Variants in ESPN observed in about 807,000 individuals in gnomAD.
ESPN encodes autosomal recessive deafness type 36 protein.
Under a neutral mutation model 77.7 loss-of-function variants are expected in ESPN, and 68 were observed. The ratio of observed to expected loss-of-function variants is 0.87; its 90% confidence interval spans 0.72 to 1.07. The LOEUF is 1.07. ESPN is among the 50% of genes least tolerant of loss of function. The pLI is 0.00. For missense variants in ESPN, 1,060 were observed against 1,239.0 expected (o/e 0.86, Z 2.17); for synonymous variants, 449 against 567.1 (o/e 0.79, Z 2.96).
In ESPN at chr1:6,427,236, C is replaced by A. The variant is rs995577517; in HGVS notation, c.295-990C>A. On this transcript the variant is annotated intron_variant, in intron 1 of 12. Transcript: ENST00000645284. The surrounding 1 kb of genome is among the most constrained non-coding windows in gnomAD (Gnocchi z 4.6). The stretch of plus-strand genomic sequence containing the variant: ...CTGCATCCTGCACCCAGAACCCTGC[C>A]CACCCCTCTGTCATCCTATGTGCTT... Among the ~76,000 whole-genome samples the A allele has an allele frequency of 4.6e-5, 7 of 152,086 alleles. No homozygotes were observed. Among genetic ancestry groups the A allele is most frequent in the African/African-American group, 1.7e-4 (7 of 41,416 alleles).
At position 6,451,552 on chromosome 1, in the gene ESPN, C is replaced by A. The variant is rs370714821; in HGVS notation, c.1916-51C>A. 9.4e-6 allele frequency: 15 copies of A among 1,589,792 alleles called. No homozygotes were observed. The highest frequency in any genetic ancestry group is 1.3e-5 in the Non-Finnish European group (15 of 1,167,636). ...CTGCAGAGGGGCGGGTGAGGGGTGG[C>A]GGGGATGCAGCCCCACCCTGGCCAG... On this transcript the variant is annotated intron_variant, in intron 8 of 12. Transcript: ENST00000645284. This position sits in a 1 kb window ranked among gnomAD's most constrained non-coding sequence, Gnocchi z 4.3.
chr1:6,444,540 G>A lies in ESPN; in HGVS notation c.1050G>A (p.Pro350=), dbSNP rs559886623. The change falls in exon 6 of 13, where the codon CCG becomes CCA. Residue 350 remains proline, a synonymous_variant. Coordinates refer to ENST00000645284, the MANE Select transcript of ESPN (RefSeq NM_031475.3). ...CCGCAGAGCTGGAGGCTAAGCAGCC[G>A]GATTCAGGCATGTCCTCACCCAATA... ...DPSAELEAKQ[P]DSGMSSPNTT... is the part of the protein sequence containing the mutation. 1.1e-5 allele frequency: 17 copies of A among 1,614,204 alleles called. No homozygotes were observed. The highest frequency in any genetic ancestry group is 9.9e-5 in the South Asian group (9 of 91,086).
rs1344649534 is a variant in ESPN at position 6,437,187 on chromosome 1, T to C, written c.489-3067T>C. ...GCCAGCCAGCGGCCCTGCAGGAGGC[T>C]GTGGGTACCACTGCCCCCTGCTGCT... is the stretch of plus-strand genomic sequence containing the variant. On this transcript the variant is annotated intron_variant, in intron 2 of 12. Transcript: ENST00000645284. This position sits in a 1 kb window ranked among gnomAD's most constrained non-coding sequence, Gnocchi z 4.5. The C allele has an allele frequency of 6.6e-6, 1 of 152,254 alleles. No individual in the cohort carries two copies. The highest frequency in any genetic ancestry group is 1.5e-5 in the Non-Finnish European group (1 of 68,054). The allele number at this position is 152,254 out of a possible 1,614,324, so 9.4% of individuals were successfully genotyped here. A position where few individuals can be genotyped will look rare whatever the true frequency, so the allele number is the denominator to read the frequency against.
chr1:6,460,279 C>T lies in ESPN; in HGVS notation c.*133C>T. On this transcript the variant is annotated 3_prime_UTR_variant, in exon 13 of 13. Coordinates refer to ENST00000645284, the MANE Select transcript of ESPN (RefSeq NM_031475.3). ...CCTGCGCTGGAAACCCTCCCTGACCCCCACCCTGGCCCCCCGTATCCCCAG... is the reference window on the plus strand; with the variant it reads ...CCTGCGCTGGAAACCCTCCCTGACCTCCACCCTGGCCCCCCGTATCCCCAG... The T allele has an allele frequency of 2.6e-6, 3 of 1,142,298 alleles. No individual in the cohort carries two copies. Among genetic ancestry groups the T allele is most frequent in the East Asian group, 5.2e-5 (2 of 38,456 alleles). 70.8% of individuals were successfully genotyped at this position (1,142,298 alleles called of 1,614,324 possible). A position where few individuals can be genotyped will look rare whatever the true frequency, so the allele number is the denominator to read the frequency against.
rs1282478732 is a variant in ESPN, at chr1:6,428,500, C to G, written c.488+81C>G. 7.9e-7 allele frequency: 1 copy of G among 1,266,018 alleles called. No homozygotes were observed. The highest frequency in any genetic ancestry group is 1.5e-5 in the African/African-American group (1 of 66,792). The allele number at this position is 1,266,018 out of a possible 1,614,324, so 78.4% of individuals were successfully genotyped here. A position where few individuals can be genotyped will look rare whatever the true frequency, so the allele number is the denominator to read the frequency against. ...GATGCCTGGGATTTTCCACGCCTCT[C>G]TGGCACTCCAGGGCAATGATCCCTC... On this transcript the variant is annotated intron_variant, in intron 2 of 12. Transcript: ENST00000645284. This position sits in a 1 kb window ranked among gnomAD's most constrained non-coding sequence, Gnocchi z 5.4.
chr1:6,430,850 T>A (rs756360121), intron 2 of ESPN, among the ~76,000 whole-genome samples: 3 of 151,464 alleles, frequency 2.0e-5, no homozygotes, highest in Non-Finnish European at 4.4e-5. Flanking sequence ...GCTGGGCAAG[T>A]CCCAGGCTCT....
In ESPN at chr1:6,456,486, C is replaced by G. The variant is rs1644060158; in HGVS notation, c.2326-698C>G. 5 of 254,578 alleles carry G rather than the reference C, an allele frequency of 2.0e-5. No individual in the cohort carries two copies. In the East Asian group the frequency reaches 2.9e-4, roughly 15 times the overall value. 15.8% of individuals were successfully genotyped at this position (254,578 alleles called of 1,614,324 possible). On this transcript the variant is annotated intron_variant, in intron 10 of 12. Coordinates refer to ENST00000645284, the MANE Select transcript of ESPN (RefSeq NM_031475.3). ...GAGCCAGGCAGCAGAAGAAGCCCCT[C>G]TGAGTGAGGGGCTGCGGCTCCTCCT...
chr1:6,448,988 G>T lies in ESPN; in HGVS notation c.1812G>T (p.Pro604=), dbSNP rs1643900523. 6.9e-7 allele frequency: 1 copy of T among 1,441,354 alleles called. No homozygotes were observed. Among genetic ancestry groups the T allele is most frequent in the Non-Finnish European group, 9.1e-7 (1 of 1,103,342 alleles). The allele number at this position is 1,441,354 out of a possible 1,614,324, so 89.3% of individuals were successfully genotyped here. A position where few individuals can be genotyped will look rare whatever the true frequency, so the allele number is the denominator to read the frequency against. Reference sequence around the variant, plus strand: ...CACCGCCGCCCCCACCGCCGCCGCCGCCCCTGCCGGAGGCCGCGAGTTCGC... The same window carrying T: ...CACCGCCGCCCCCACCGCCGCCGCCTCCCCTGCCGGAGGCCGCGAGTTCGC... ...ELPPPPPPPP[P]PLPEAASSPP... is the part of the protein sequence containing the mutation. The change falls in exon 8 of 13, where the codon CCG becomes CCT. Residue 604 remains proline, a synonymous_variant. Transcript: ENST00000645284.
rs1453416584 is a variant in ESPN, at chr1:6,449,025, C to T, written c.1849C>T (p.Pro617Ser). The change falls in exon 8 of 13, where the codon CCG becomes TCG. Residue 617 changes from proline to serine, a missense_variant. Pro to Ser is a moderately conservative substitution (Grantham distance 74). This residue lies in a region of ESPN where 374 missense variants were observed against 381.4 expected (regional missense o/e 0.98). Transcript: ENST00000645284. ...GGCCGCGAGTTCGCCACCGCCGGCC[C>T]CGCCTCTGCCCCTCGAGAGCGCTGG... Reference protein sequence around the residue: ...PEAASSPPPAPPLPLESAGPG... With the variant: ...PEAASSPPPASPLPLESAGPG... 29 of 1,466,136 alleles carry T rather than the reference C, an allele frequency of 2.0e-5. No individual in the cohort carries two copies. The highest frequency in any genetic ancestry group is 2.5e-5 in the Non-Finnish European group (28 of 1,115,846). The allele number at this position is 1,466,136 out of a possible 1,614,324, so 90.8% of individuals were successfully genotyped here.
chr1:6,443,636 G>A (rs1413883626), intron 5 of ESPN, among the ~76,000 whole-genome samples: 3 of 152,352 alleles, frequency 2.0e-5, no homozygotes, highest in East Asian at 3.9e-4. Flanking sequence ...CACAGAAGAC[G>A]CTGGCCCAGA....
At chr1:6,454,615 A>C in intron 10 of ESPN, 2 of 398,964 alleles carry the variant, frequency 5.0e-6, no homozygotes, top group Non-Finnish European at 4.4e-6. Flanking sequence ...CGCCTCGAGC[A>C]ACTGGAGCTG....
chr1:6,433,163 G>T (rs367885382), intron 2 of ESPN, among the ~76,000 whole-genome samples: 41 of 147,086 alleles, frequency 2.8e-4, no homozygotes, highest in East Asian at 1.0e-3. Flanking sequence ...TGCAAGTCCT[G>T]GTCTGGTGCA....
At position 6,448,829 on chromosome 1, in the gene ESPN, C is replaced by T. The variant is rs1238590961; in HGVS notation, c.1653C>T (p.Ala551=). Residue 551 remains alanine (A), a synonymous_variant, in exon 8 of 13, where the codon GCC becomes GCT. Coordinates refer to ENST00000645284, the MANE Select transcript of ESPN (RefSeq NM_031475.3). ...EEVRARQPAR[A]GCPRLGPAAR... ...TGCGTGCCCGCCAGCCCGCGCGCGC[C>T]GGCTGCCCGCGCCTCGGCCCTGCCG... The T allele has an allele frequency of 2.3e-5, 28 of 1,236,814 alleles. No homozygotes were observed. Among genetic ancestry groups the T allele is most frequent in the Non-Finnish European group, 2.8e-5 (28 of 993,998 alleles). 76.6% of individuals were successfully genotyped at this position (1,236,814 alleles called of 1,614,324 possible). A position where few individuals can be genotyped will look rare whatever the true frequency, so the allele number is the denominator to read the frequency against.
At chr1:6,461,319 G>T, downstream of ESPN, 3 of 1,323,160 alleles carry the variant, frequency 2.3e-6, no homozygotes, top group Non-Finnish European at 3.1e-6. The surrounding 1 kb of genome is among the most constrained non-coding windows in gnomAD (Gnocchi z 6.3). Flanking sequence ...GTGCTGCTAC[G>T]CAGGGCCGTG....
chr1:6,446,836 C>T (rs1267298531), intron 7 of ESPN: 1 of 152,218 alleles, frequency 6.6e-6, no homozygotes, highest in Non-Finnish European at 1.5e-5. Flanking sequence ...GGCAAAGCCA[C>T]CCCAGGGCCA....
In ESPN at chr1:6,440,371, C is replaced by T. The variant is rs779140042; in HGVS notation, c.606C>T (p.Arg202=). ...VQECGADPHA[R]AHDGMTPLHA... ...AATGCGGCGCAGACCCGCACGCGCG[C>T]GCCCACGACGGCATGACCCCGCTGC... The change falls in exon 3 of 13, where the codon CGC becomes CGT. Residue 202 remains arginine (R), a synonymous_variant. Coordinates refer to ENST00000645284, the MANE Select transcript of ESPN (RefSeq NM_031475.3). The T allele has an allele frequency of 4.2e-5, 66 of 1,587,650 alleles. No individual in the cohort carries two copies. The African/African-American group carries it at 5.2e-4, about 13-fold the overall frequency.
In ESPN at chr1:6,425,266, C is replaced by G; in HGVS notation, c.294+17C>G. 1 of 1,566,568 alleles carries G rather than the reference C, an allele frequency of 6.4e-7. No homozygotes were observed. The highest frequency in any genetic ancestry group is 8.6e-7 in the Non-Finnish European group (1 of 1,164,732). ...AGAGTGCAGGTGGGTCCGCGCGGTT[C>G]GCCAGGGGCACTGAGGCTTCCTCCT... is the stretch of plus-strand genomic sequence containing the variant. On this transcript the variant is annotated intron_variant, in intron 1 of 12. Transcript: ENST00000645284.
chr1:6,455,918 G>A (rs952653720), intron 10 of ESPN: 25 of 398,820 alleles, frequency 6.3e-5, no homozygotes, highest in Non-Finnish European at 6.6e-5. Context: ...AAGAGGAGGG[G>A]AAAGAACAGG....
At position 6,460,713 on chromosome 1, in the gene ESPN, G is replaced by C. The variant is rs1421015560; in HGVS notation, c.*567G>C. On this transcript the variant is annotated 3_prime_UTR_variant, in exon 13 of 13. Coordinates refer to ENST00000645284, the MANE Select transcript of ESPN (RefSeq NM_031475.3). The stretch of plus-strand genomic sequence containing the variant: ...AAACATGAAAACTGCCTGTCTGGCC[G>C]GGCCGCACTTGTGGCCCCCGGGACC... 1.2e-5 allele frequency: 2 copies of C among 168,422 alleles called. No individual in the cohort carries two copies. The highest frequency in any genetic ancestry group is 4.8e-5 in the African/African-American group (2 of 41,532). The allele number at this position is 168,422 out of a possible 1,614,324, so 10.4% of individuals were successfully genotyped here.
Sources: allele counts gnomAD v4.1 joint callset (sites outside exome capture counted in the v4.1 genomes callset), GRCh38; gene constraint gnomAD v4.1.1; regional missense constraint gnomAD v4.1.1; non-coding constraint Gnocchi (gnomAD v3.1); transcripts MANE v1.5; gene names NCBI Gene and HGNC (gene_info 2026-07-23, HGNC 2026-07-21).